Variants in MTERF4 observed in about 807,000 individuals in gnomAD.
MTERF4 encodes mitochondrial transcription termination factor 4.
In MTERF4, 17 loss-of-function variants were observed where a neutral mutation model predicts 22.5. The observed-to-expected ratio is 0.75, with a 90% confidence interval of 0.52 to 1.13. The LOEUF is 1.13. MTERF4 is among the 50% of genes most tolerant of loss of function. MTERF4 has a pLI of 0.00. For synonymous variants in MTERF4, 165 were observed against 175.3 expected (o/e 0.94, Z 0.47); for missense variants, 420 against 466.8 (o/e 0.90, Z 0.92).
At chr2:241,077,869 GCTGGTGGGA>G (rs1452135544) in intron 4 of MTERF4, among the ~76,000 whole-genome samples, 4 of 152,176 alleles carry the variant, frequency 2.6e-5, no homozygotes, top group Non-Finnish European at 5.9e-5. Flanking sequence ...CCTCTACGCT[GCTGGTGGGA>G]CTGTAAAGTG....
At chr2:241,047,227 ATTAAACTT>A in the MTERF4 span, among the ~76,000 whole-genome samples, 12 of 152,180 alleles carry the variant, frequency 7.9e-5, no homozygotes, top group South Asian at 2.1e-3. Flanking sequence ...TATCGAATAA[ATTAAACTT>A]TAGAATGGGG....
chr2:241,101,991 T>G lies in MTERF4; in HGVS notation c.21+262A>C, dbSNP rs958742252. On this transcript the variant is annotated intron_variant, in intron 1 of 3. Coordinates refer to ENST00000391980, the MANE Select transcript of MTERF4 (RefSeq NM_182501.4). The stretch of plus-strand genomic sequence containing the variant: ...TTGCTTGAACCCGGGAGGCGGAGGT[T>G]GCAGTGAGCCGAGATCGCGCCATTG... The G allele has an allele frequency of 2.2e-5, 12 of 552,532 alleles. No individual in the cohort carries two copies. In the African/African-American group the frequency reaches 2.4e-4, roughly 11 times the overall value. The allele number at this position is 552,532 out of a possible 1,614,324, so 34.2% of individuals were successfully genotyped here. A position where few individuals can be genotyped will look rare whatever the true frequency, so the allele number is the denominator to read the frequency against.
intron 2 of MTERF4, 166 bp downstream of exon 2, chr2:241,099,230 A>C: frequency 1.4e-6 from 1 of 726,374 alleles, no homozygotes; most frequent in Non-Finnish European, 2.2e-6. Flanking sequence ...GCGTGCCACC[A>C]AGCCCAGCTA....
At chr2:241,090,365 G>C (rs1219321747), downstream of MTERF4, 58 of 1,550,110 alleles carry the variant, frequency 3.7e-5, no homozygotes, top group Non-Finnish European at 4.4e-5. Flanking sequence ...CTGTGACAAT[G>C]ATGCCTTCTT....
downstream of MTERF4, chr2:241,089,207 G>T (rs2063750515): frequency 7.9e-7 from 1 of 1,264,202 alleles, no homozygotes; most frequent in Non-Finnish European, 1.1e-6. Context: ...TTATCAACAT[G>T]TCACTGCATG....
chr2:241,068,762 G>T, downstream of MTERF4: 1 of 616,556 alleles, frequency 1.6e-6, no homozygotes. The surrounding 1 kb of genome is among the most constrained non-coding windows in gnomAD (Gnocchi z 5.3). Flanking sequence ...AGGGCCATGA[G>T]TCTGCCCCTC....
At chr2:241,048,308 C>G in the MTERF4 span, 1 of 1,592,526 alleles carries the variant, frequency 6.3e-7, no homozygotes, top group Non-Finnish European at 8.5e-7. Context: ...TGCCGTCTTT[C>G]TTGCAGGAGA....
chr2:241,076,766 G>A (rs948438130), intron 4 of MTERF4, among the ~76,000 whole-genome samples: 6 of 150,596 alleles, frequency 4.0e-5, no homozygotes, highest in East Asian at 2.0e-4. Context: ...GGCCGGGCGC[G>A]GGGGCTCACG....
chr2:241,062,060 T>TC, the MTERF4 span, among the ~76,000 whole-genome samples: 1 of 152,214 alleles, frequency 6.6e-6, no homozygotes, highest in East Asian at 1.9e-4. Flanking sequence ...TATCATGATG[T>TC]ACTATGAATA....
At chr2:241,084,480 A>G (rs1252941781), downstream of MTERF4, among the ~76,000 whole-genome samples, 1 of 152,158 alleles carries the variant, frequency 6.6e-6, no homozygotes, top group Non-Finnish European at 1.5e-5. Flanking sequence ...TACCATACAC[A>G]TCTTCAACTT....
chr2:241,052,498 A>T, the MTERF4 span: 1 of 1,512,100 alleles, frequency 6.6e-7, no homozygotes, highest in Non-Finnish European at 9.1e-7. Flanking sequence ...CAAGCAGGGT[A>T]CATGGGATAC....
chr2:241,079,530 A>C (rs952184788), intron 4 of MTERF4, among the ~76,000 whole-genome samples: 1 of 150,474 alleles, frequency 6.6e-6, no homozygotes. Flanking sequence ...AATGAAACTA[A>C]TAAGATGGTT....
chr2:241,067,027 G>A, the MTERF4 span, among the ~76,000 whole-genome samples: 5 of 152,366 alleles, frequency 3.3e-5, no homozygotes, highest in South Asian at 1.0e-3. Flanking sequence ...CTGAGTAGGG[G>A]TGGCTCGCCT....
Position 241,072,575 on chromosome 2 carries a change from C to T in MTERF4, n.3587G>A, listed in dbSNP as rs2062785743. ...ATGAACACGCTCTGAGCAAAAACTC[C>T]TCAGGCAGAGGAGGGAGGGAAATGC... On this transcript the variant is annotated non_coding_transcript_exon_variant, in exon 5 of 5. Transcript: ENST00000464344. 10 of 269,016 alleles carry T rather than the reference C, an allele frequency of 3.7e-5. 1 individual carries two copies. In the South Asian group the frequency reaches 3.7e-4, roughly 10 times the overall value. The allele number at this position is 269,016 out of a possible 1,614,324, so 16.7% of individuals were successfully genotyped here.
chr2:241,090,324 G>A (rs1399136992), downstream of MTERF4: 2 of 1,549,966 alleles, frequency 1.3e-6, no homozygotes, highest in East Asian at 2.4e-5. Flanking sequence ...TCCACATCGT[G>A]TCCCAGTAAC....
downstream of MTERF4, among the ~76,000 whole-genome samples, chr2:241,082,997 C>T (rs2063402353): frequency 6.6e-6 from 1 of 152,006 alleles, no homozygotes; most frequent in Non-Finnish European, 1.5e-5. Context: ...ACTCAGCACA[C>T]ATCAGAACAG....
At chr2:241,070,606 C>T (rs1296812181), downstream of MTERF4, among the ~76,000 whole-genome samples, 1 of 152,224 alleles carries the variant, frequency 6.6e-6, no homozygotes, top group Non-Finnish European at 1.5e-5. Flanking sequence ...CAGGAGGCCA[C>T]AGGCAGGGGC....
At chr2:241,044,715 C>T in the MTERF4 span, among the ~76,000 whole-genome samples, 12 of 152,132 alleles carry the variant, frequency 7.9e-5, no homozygotes, top group East Asian at 9.6e-4. Context: ...CCTTAAACTG[C>T]GAAGGAAGAA....
At chr2:241,053,025 TC>T in the MTERF4 span, 3 of 866,230 alleles carry the variant, frequency 3.5e-6, no homozygotes, top group Non-Finnish European at 5.2e-6. Context: ...GAGGCACCTT[TC>T]CCCGGTGAAG....
Sources: gnomAD v4.1 joint callset for allele counts (sites outside exome capture counted in the v4.1 genomes callset) on GRCh38, gnomAD v4.1.1 for gene constraint, Gnocchi (gnomAD v3.1) non-coding constraint, MANE v1.5 for transcripts, NCBI Gene and HGNC (gene_info 2026-07-23, HGNC 2026-07-21) for gene names.